The following RAPGEF6 variants were observed in gnomAD, a reference collection of about 807,000 sequenced individuals.
RAPGEF6 encodes PDZ domain containing guanine nucleotide exchange factor (GEF) 2.
RAPGEF6 carries 56 observed loss-of-function variants against 171.4 expected under a neutral mutation model. The observed-to-expected ratio is 0.33, with a 90% confidence interval of 0.26 to 0.41. The LOEUF (loss-of-function observed/expected upper bound fraction) is 0.41. Among genes scored for constraint, RAPGEF6 ranks in the 10% least tolerant of loss-of-function variants. The pLI, the probability that RAPGEF6 is intolerant of heterozygous loss-of-function variation, is 1.00. For missense variants in RAPGEF6, 1,674 were observed against 1,921.4 expected (o/e 0.87, Z 2.41); for synonymous variants, 692 against 650.1 (o/e 1.06, Z -0.98).
chr5:131,440,343 G>C, intron 23 of RAPGEF6: 1 of 406,396 alleles, frequency 2.5e-6, no homozygotes, highest in Non-Finnish European at 4.8e-6. Flanking sequence ...TGTCTGGTCT[G>C]TTTAGTGTAC....
chr5:131,607,723 G>A (rs1764694490), intron 1 of RAPGEF6, among the ~76,000 whole-genome samples: 1 of 152,102 alleles, frequency 6.6e-6, no homozygotes, highest in Non-Finnish European at 1.5e-5. Flanking sequence ...TGCGGCTCCA[G>A]AAAATGGGAG....
intron 3 of RAPGEF6, among the ~76,000 whole-genome samples, chr5:131,597,520 A>G (rs1205998465): frequency 6.6e-6 from 1 of 152,246 alleles, no homozygotes; most frequent in Non-Finnish European, 1.5e-5. Flanking sequence ...TCATTCAGCC[A>G]TGAAAAGAAT....
chr5:131,483,175 T>C (rs777477041), intron 15 of RAPGEF6, among the ~76,000 whole-genome samples: 5 of 151,612 alleles, frequency 3.3e-5, no homozygotes, highest in Non-Finnish European at 7.4e-5. Context: ...ATGGTGAAAC[T>C]CCATCTCTAC....
chr5:131,467,049 G>A (rs1400739791), intron 17 of RAPGEF6, among the ~76,000 whole-genome samples: 5 of 152,146 alleles, frequency 3.3e-5, no homozygotes, highest in African/African-American at 1.2e-4. Context: ...GGTACTGACT[G>A]ACCTTGAGGG....
chr5:131,546,773 T>C (rs144881045), intron 6 of RAPGEF6, among the ~76,000 whole-genome samples: 2 of 152,336 alleles, frequency 1.3e-5, no homozygotes, highest in East Asian at 3.9e-4. Flanking sequence ...TATATTTGTT[T>C]TTAAAAGTTA....
At chr5:131,472,767 A>G (rs1334919447) in intron 16 of RAPGEF6, 23 bp from the exon 17 acceptor site, 5 of 1,585,566 alleles carry the variant, frequency 3.2e-6, no homozygotes, top group Non-Finnish European at 4.3e-6. Context: ...GTCATATATC[A>G]CTTTAAAGTA....
At position 131,562,038 on chromosome 5, in the gene RAPGEF6, C is replaced by A; in HGVS notation, c.291G>T (p.Lys97Asn). The part of the protein sequence containing the change: ...SMVLPPCSFG[K>N]QFGGKRGCDC... ...CACATCCTCTTTTTCCTCCAAACTG[C>A]TTACCAAAACTATAAAAACAGAAAA... The change falls in exon 5 of 28, where the codon AAG becomes AAT. Residue 97 changes from lysine to asparagine, a missense_variant. By Grantham distance (94) the Lys-to-Asn change is moderately conservative (BLOSUM62 0). Transcript: ENST00000509018. 6.3e-7 allele frequency: 1 copy of A among 1,577,328 alleles called. No homozygotes were observed. Among genetic ancestry groups the A allele is most frequent in the East Asian group, 2.3e-5 (1 of 43,080 alleles).
At chr5:131,552,034 C>CTAT (rs1357942973) in intron 5 of RAPGEF6, among the ~76,000 whole-genome samples, 2 of 151,952 alleles carry the variant, frequency 1.3e-5, no homozygotes, top group Admixed American at 6.6e-5. Flanking sequence ...ACTTGGGAAA[C>CTAT]CAATAAAGTC....
chr5:131,492,279 A>G (rs1000228909), intron 14 of RAPGEF6, among the ~76,000 whole-genome samples: 1 of 152,218 alleles, frequency 6.6e-6, no homozygotes, highest in Non-Finnish European at 1.5e-5. Context: ...AGTATTCTCA[A>G]GTTGCCAGCT....
At chr5:131,447,774 T>C (rs1334893895) in intron 21 of RAPGEF6, among the ~76,000 whole-genome samples, 2 of 152,240 alleles carry the variant, frequency 1.3e-5, no homozygotes, top group Non-Finnish European at 2.9e-5. Flanking sequence ...AAGTGAAATA[T>C]AGTTGAAAAA....
intron 1 of RAPGEF6, among the ~76,000 whole-genome samples, chr5:131,625,489 C>T (rs1765855563): frequency 6.6e-6 from 1 of 152,064 alleles, no homozygotes; most frequent in Non-Finnish European, 1.5e-5. Context: ...TATCTCACAC[C>T]TGAACTACTG....
intron 11 of RAPGEF6, 133 bp from the exon 12 acceptor site, chr5:131,498,740 T>A: frequency 1.2e-6 from 1 of 800,530 alleles, no homozygotes; most frequent in Non-Finnish European, 2.0e-6. Context: ...CTTTAAATCC[T>A]TAGCGCTGGG....
rs193243703 is a variant in RAPGEF6, at chr5:131,504,816, T to C, written c.1102-38A>G. 879 of 1,571,392 alleles carry C rather than the reference T, an allele frequency of 5.6e-4. 13 individuals carry two copies. The East Asian group carries it at 0.016, about 28-fold the overall frequency. ...AACATGGGGACAGTTAATGAACCTA[T>C]AGTACATAAATATATCACTATGTAC... is the stretch of plus-strand genomic sequence containing the variant. On this transcript the variant is annotated intron_variant, in intron 10 of 27. Coordinates refer to ENST00000509018, the MANE Select transcript of RAPGEF6 (RefSeq NM_016340.6).
At chr5:131,570,681 C>A (rs1341561598) in intron 4 of RAPGEF6, among the ~76,000 whole-genome samples, 1 of 151,926 alleles carries the variant, frequency 6.6e-6, no homozygotes, top group African/African-American at 2.4e-5. Context: ...ATGAAAAAAA[C>A]TAGATTAAAA....
At chr5:131,549,234 T>C (rs1397428223) in intron 5 of RAPGEF6, among the ~76,000 whole-genome samples, 1 of 152,228 alleles carries the variant, frequency 6.6e-6, no homozygotes, top group Admixed American at 6.5e-5. Context: ...TCTAAAAATC[T>C]ACCTTTATAA....
At position 131,510,636 on chromosome 5, in the gene RAPGEF6, T is replaced by C. The variant is rs533507649; in HGVS notation, c.628-145A>G. The C allele has an allele frequency of 7.3e-6, 5 of 682,236 alleles. No individual in the cohort carries two copies. The South Asian group carries it at 1.0e-4, about 14-fold the overall frequency. 42.3% of individuals were successfully genotyped at this position (682,236 alleles called of 1,614,324 possible). ...CTGCATCAAGAATACAATAAAATGA[T>C]ACTTATTTATAAAAGGTTCTTTCTG... is the stretch of plus-strand genomic sequence containing the variant. On this transcript the variant is annotated intron_variant, in intron 7 of 27. Coordinates refer to ENST00000509018, the MANE Select transcript of RAPGEF6 (RefSeq NM_016340.6).
At chr5:131,596,687 T>C (rs1763924891) in intron 3 of RAPGEF6, among the ~76,000 whole-genome samples, 1 of 152,024 alleles carries the variant, frequency 6.6e-6, no homozygotes, top group African/African-American at 2.4e-5. Flanking sequence ...GTATATCTCC[T>C]TGCAGAAGAA....
chr5:131,565,012 G>C (rs1369168922), intron 4 of RAPGEF6, among the ~76,000 whole-genome samples: 1 of 151,876 alleles, frequency 6.6e-6, no homozygotes, highest in Non-Finnish European at 1.5e-5. Flanking sequence ...CATTATTAGG[G>C]CTATTAAAAT....
intron 5 of RAPGEF6, among the ~76,000 whole-genome samples, chr5:131,555,729 T>C (rs1761194647): frequency 6.8e-6 from 1 of 146,194 alleles, no homozygotes; most frequent in Non-Finnish European, 1.5e-5. Flanking sequence ...TATTTATATA[T>C]GTATAGATTT....
Sources: allele counts gnomAD v4.1 joint callset (sites outside exome capture counted in the v4.1 genomes callset), GRCh38; gene constraint gnomAD v4.1.1; transcripts MANE v1.5; gene names NCBI Gene and HGNC (gene_info 2026-07-23, HGNC 2026-07-21).